ZFAND3: variants seen among roughly 807,000 people sequenced by gnomAD.
ZFAND3 encodes AN1-type zinc finger protein 3.
Under a neutral mutation model 29.6 loss-of-function variants are expected in ZFAND3, and 10 were observed. That is an observed-to-expected ratio of 0.34 (90% CI 0.21 to 0.57). ZFAND3 has a LOEUF of 0.57. Among genes scored for constraint, ZFAND3 ranks in the 20% least tolerant of loss-of-function variants. The pLI, the probability that ZFAND3 is intolerant of heterozygous loss-of-function variation, is 0.86. For missense variants in ZFAND3, 230 were observed against 304.5 expected, an observed-to-expected ratio of 0.76 and a Z score of 1.82; for synonymous variants, 128 against 112.6, an observed-to-expected ratio of 1.14 and a Z score of -0.87.
intron 2 of ZFAND3, among the ~76,000 whole-genome samples, chr6:38,010,924 T>A (rs1365720873): frequency 2.7e-5 from 4 of 149,576 alleles, no homozygotes; most frequent in East Asian, 3.9e-4. Flanking sequence ...TTTTTTTTTT[T>A]AAAGAGATGA....
In ZFAND3 at chr6:38,099,479, G is replaced by A. The variant is rs191957906; in HGVS notation, c.361+17022G>A. Among the ~76,000 whole-genome samples, 435 of 152,266 alleles carry A rather than the reference G, an allele frequency of 2.9e-3. 1 individual carries two copies. Among genetic ancestry groups the A allele is most frequent in the Non-Finnish European group, 5.0e-3 (337 of 68,016 alleles). On this transcript the variant is annotated intron_variant, in intron 4 of 5. Coordinates refer to ENST00000287218, the MANE Select transcript of ZFAND3 (RefSeq NM_021943.3). The stretch of plus-strand genomic sequence containing the variant: ...TTCATTACCAGTATCCACCCACAGA[G>A]TTTCAGAAAGCCATTCCCAAATAGC...
At chr6:38,036,899 C>G (rs1763668991) in intron 2 of ZFAND3, among the ~76,000 whole-genome samples, 1 of 152,122 alleles carries the variant, frequency 6.6e-6, no homozygotes, top group Non-Finnish European at 1.5e-5. Flanking sequence ...CAGGCATGAG[C>G]CACCATAGCC....
chr6:37,987,174 G>A (rs58236393), intron 2 of ZFAND3, among the ~76,000 whole-genome samples: 1 of 152,182 alleles, frequency 6.6e-6, no homozygotes, highest in African/African-American at 2.4e-5. Flanking sequence ...CAAAGGAGTG[G>A]AGTTAGAAGT....
At chr6:38,135,065 C>G (rs144525895) in intron 5 of ZFAND3, among the ~76,000 whole-genome samples, 1 of 152,120 alleles carries the variant, frequency 6.6e-6, no homozygotes, top group East Asian at 1.9e-4. Flanking sequence ...TTCAGTCTCT[C>G]GAAGTCGTGT....
intron 1 of ZFAND3, among the ~76,000 whole-genome samples, chr6:37,821,432 C>T (rs2127362692): frequency 6.6e-6 from 1 of 152,326 alleles, no homozygotes; most frequent in South Asian, 2.1e-4. Flanking sequence ...CTGTGAAGTG[C>T]TTTCATGGAC....
At chr6:37,858,289 T>C (rs1264059599) in intron 1 of ZFAND3, among the ~76,000 whole-genome samples, 2 of 152,184 alleles carry the variant, frequency 1.3e-5, no homozygotes, top group Admixed American at 1.3e-4. Context: ...CTGGAAGAAC[T>C]TCTTGGGACA....
At chr6:38,084,048 C>A (rs1764714227) in intron 4 of ZFAND3, among the ~76,000 whole-genome samples, 1 of 152,070 alleles carries the variant, frequency 6.6e-6, no homozygotes, top group Non-Finnish European at 1.5e-5. Context: ...AGTATATTTT[C>A]TGAGATAATA....
intron 2 of ZFAND3, among the ~76,000 whole-genome samples, chr6:38,044,359 A>C (rs1351122877): frequency 6.6e-6 from 1 of 152,172 alleles, no homozygotes; most frequent in Non-Finnish European, 1.5e-5. Flanking sequence ...GGTTGAAAGT[A>C]AGTCTAGTTA....
intron 1 of ZFAND3, among the ~76,000 whole-genome samples, chr6:37,836,658 C>T (rs1008687678): frequency 1.3e-5 from 2 of 152,086 alleles, no homozygotes; most frequent in Non-Finnish European, 2.9e-5. Flanking sequence ...GTAATTACAT[C>T]CTATGTGTAC....
intron 2 of ZFAND3, among the ~76,000 whole-genome samples, chr6:38,028,505 C>T (rs994751582): frequency 5.3e-5 from 8 of 151,652 alleles, no homozygotes; most frequent in Non-Finnish European, 1.2e-4. Flanking sequence ...ATATTCCATG[C>T]TTGCTTGTAT....
At chr6:37,969,653 G>T (rs1762353058) in intron 2 of ZFAND3, among the ~76,000 whole-genome samples, 2 of 152,134 alleles carry the variant, frequency 1.3e-5, no homozygotes, top group African/African-American at 4.8e-5. Context: ...GAACATCAGG[G>T]AATGTCTGTA....
intron 2 of ZFAND3, among the ~76,000 whole-genome samples, chr6:38,059,009 A>C (rs902052856): frequency 6.6e-6 from 1 of 152,210 alleles, no homozygotes; most frequent in African/African-American, 2.4e-5. Context: ...TTCGAATGCT[A>C]TGTCAAGTTG....
chr6:38,138,839 A>G (rs1765894467), intron 5 of ZFAND3, among the ~76,000 whole-genome samples: 1 of 152,238 alleles, frequency 6.6e-6, no homozygotes, highest in Non-Finnish European at 1.5e-5. Flanking sequence ...AACATGGTAC[A>G]GTTGAGATTC....
At chr6:38,120,145 C>A (rs914719354) in intron 5 of ZFAND3, among the ~76,000 whole-genome samples, 4 of 151,992 alleles carry the variant, frequency 2.6e-5, no homozygotes, top group African/African-American at 9.7e-5. Context: ...TCATTTTCTA[C>A]TCAGTAAGCA....
chr6:37,878,437 G>C (rs1006472833), intron 1 of ZFAND3, among the ~76,000 whole-genome samples: 7 of 151,896 alleles, frequency 4.6e-5, no homozygotes, highest in African/African-American at 1.7e-4. Context: ...ATGTAGCTCT[G>C]AGAGGTGAGG....
intron 1 of ZFAND3, among the ~76,000 whole-genome samples, chr6:37,883,831 T>C (rs6914249): frequency 1 from 144,585 of 145,172 alleles, 72,048 homozygotes; most frequent in Middle Eastern, 1. Flanking sequence ...TGAGCCGCCG[T>C]GCCCGGCTTG....
intron 4 of ZFAND3, among the ~76,000 whole-genome samples, chr6:38,088,741 A>T (rs1764805727): frequency 6.6e-6 from 1 of 152,208 alleles, no homozygotes; most frequent in African/African-American, 2.4e-5. Context: ...TCTCTCTGAT[A>T]GACTTGAAAA....
intron 1 of ZFAND3, among the ~76,000 whole-genome samples, chr6:37,907,444 T>A (rs1030698688): frequency 3.3e-5 from 5 of 152,218 alleles, no homozygotes; most frequent in Admixed American, 6.5e-5. Context: ...TTACTCTTGA[T>A]TTGCCTTTTC....
intron 2 of ZFAND3, among the ~76,000 whole-genome samples, chr6:37,989,430 T>C (rs1256454148): frequency 6.6e-6 from 1 of 152,210 alleles, no homozygotes; most frequent in Non-Finnish European, 1.5e-5. Context: ...ACCTTCTTGC[T>C]GTGTCCACAT....
Sources: allele counts gnomAD v4.1 joint callset (sites outside exome capture counted in the v4.1 genomes callset), GRCh38; gene constraint gnomAD v4.1.1; transcripts MANE v1.5; gene names NCBI Gene and HGNC (gene_info 2026-07-23, HGNC 2026-07-21).